EXOC4: variants seen among roughly 807,000 people sequenced by gnomAD.
EXOC4 encodes SEC8-like 1.
A neutral mutation model predicts 107.2 loss-of-function variants in EXOC4; 71 were observed. The observed-to-expected ratio is 0.66, with a 90% CI of 0.55 to 0.81. The LOEUF is 0.81. Among genes scored for constraint, EXOC4 ranks in the 30% least tolerant of loss-of-function variants. The pLI is 0.00. For synonymous variants in EXOC4, 456 were observed against 441.2 expected, an observed-to-expected ratio of 1.03 and a Z score of -0.42; for missense variants, 1,108 against 1,189.6, an observed-to-expected ratio of 0.93 and a Z score of 1.01.
chr7:133,801,022 G>A (rs1455342198), intron 10 of EXOC4, among the ~76,000 whole-genome samples: 1 of 152,098 alleles, frequency 6.6e-6, no homozygotes, highest in Non-Finnish European at 1.5e-5. Context: ...AACCATCTTT[G>A]GTCCGACCTT....
chr7:133,495,882 G>C (rs1443967092), intron 9 of EXOC4, among the ~76,000 whole-genome samples: 2 of 152,086 alleles, frequency 1.3e-5, no homozygotes, highest in African/African-American at 4.8e-5. Context: ...GAGATACAAG[G>C]ATTTTACCAT....
intron 7 of EXOC4, among the ~76,000 whole-genome samples, chr7:133,420,476 G>T (rs1797578990): frequency 6.6e-6 from 1 of 152,174 alleles, no homozygotes; most frequent in African/African-American, 2.4e-5. Flanking sequence ...AGTGGGGTTG[G>T]TGGGAGGGGT....
At chr7:133,855,343 T>C (rs899734534) in intron 11 of EXOC4, among the ~76,000 whole-genome samples, 4 of 151,288 alleles carry the variant, frequency 2.6e-5, no homozygotes, top group African/African-American at 9.7e-5. Flanking sequence ...ATTTCAACTG[T>C]ACCTCTATAT....
intron 7 of EXOC4, among the ~76,000 whole-genome samples, chr7:133,449,748 T>C (rs976380572): frequency 7.0e-5 from 8 of 115,016 alleles, no homozygotes; most frequent in African/African-American, 2.3e-4. Flanking sequence ...TGTGTGTGTG[T>C]ACATCTCTTT....
chr7:134,023,814 C>T (rs1444872742), intron 17 of EXOC4, among the ~76,000 whole-genome samples: 1 of 152,072 alleles, frequency 6.6e-6, no homozygotes, highest in Non-Finnish European at 1.5e-5. Flanking sequence ...TTTTATCTTC[C>T]CAGAGAGGAA....
intron 10 of EXOC4, among the ~76,000 whole-genome samples, chr7:133,715,556 G>A (rs568905422): frequency 6.6e-6 from 1 of 151,846 alleles, no homozygotes; most frequent in African/African-American, 2.4e-5. Flanking sequence ...AATATAAAAA[G>A]TTATAGTAAT....
At chr7:134,027,332 A>G (rs1585332647) in intron 17 of EXOC4, among the ~76,000 whole-genome samples, 1 of 152,112 alleles carries the variant, frequency 6.6e-6, no homozygotes, top group East Asian at 1.9e-4. Context: ...ACAGTGAAAG[A>G]AGGACTGAGA....
intron 7 of EXOC4, among the ~76,000 whole-genome samples, chr7:133,467,126 A>G (rs147976180): frequency 7.8e-4 from 119 of 152,250 alleles, no homozygotes; most frequent in African/African-American, 2.7e-3. Context: ...GCCATGTGCT[A>G]TGAAACCCAT....
intron 9 of EXOC4, among the ~76,000 whole-genome samples, chr7:133,505,603 T>TATATTATATGAA (rs1277878439): frequency 1.3e-5 from 2 of 152,124 alleles, no homozygotes; most frequent in Admixed American, 6.6e-5. Context: ...TTCTGTGAGG[T>TATATTATATGAA]CCAGCTAATT....
intron 14 of EXOC4, among the ~76,000 whole-genome samples, chr7:133,985,671 C>A (rs1206827959): frequency 1.3e-5 from 2 of 152,156 alleles, no homozygotes; most frequent in African/African-American, 2.4e-5. Flanking sequence ...TCTGTGTATG[C>A]CCCAAATTGC....
chr7:133,500,884 G>A (rs1480229093), intron 9 of EXOC4, among the ~76,000 whole-genome samples: 1 of 152,092 alleles, frequency 6.6e-6, no homozygotes, highest in African/African-American at 2.4e-5. Context: ...TGTGGATTCA[G>A]GCCTTGGAAG....
chr7:134,051,666 C>T (rs56757975), intron 17 of EXOC4, among the ~76,000 whole-genome samples: 1,778 of 99,502 alleles, frequency 0.018, 46 homozygotes, highest in African/African-American at 0.073. Context: ...AGCGAGACTC[C>T]GTCTCAAAAA....
intron 9 of EXOC4, among the ~76,000 whole-genome samples, chr7:133,493,289 T>G (rs995851919): frequency 2.2e-4 from 34 of 152,028 alleles, no homozygotes; most frequent in Admixed American, 6.6e-4. Flanking sequence ...ACTAAAAAAT[T>G]AGCTGGACAT....
intron 14 of EXOC4, among the ~76,000 whole-genome samples, chr7:133,950,280 C>A (rs887308475): frequency 6.6e-6 from 1 of 152,108 alleles, no homozygotes; most frequent in Admixed American, 6.5e-5. Flanking sequence ...ATCCTGACAC[C>A]CGAGGGATAC....
chr7:134,000,917 C>G (rs1031124416), intron 15 of EXOC4, among the ~76,000 whole-genome samples: 1 of 152,164 alleles, frequency 6.6e-6, no homozygotes, highest in Admixed American at 6.5e-5. Flanking sequence ...CCCCAAATAT[C>G]TTTATATCCA....
intron 6 of EXOC4, among the ~76,000 whole-genome samples, chr7:133,370,292 T>A (rs965451200): frequency 6.6e-6 from 1 of 151,964 alleles, no homozygotes; most frequent in South Asian, 2.1e-4. Context: ...GCTAGTTTTT[T>A]AATTTTAATT....
intron 14 of EXOC4, among the ~76,000 whole-genome samples, chr7:133,982,815 G>A (rs1794021993): frequency 6.6e-6 from 1 of 152,060 alleles, no homozygotes; most frequent in South Asian, 2.1e-4. Context: ...AGGTCAGTCC[G>A]CCTCCAAAGG....
chr7:133,350,278 T>G (rs541212793), intron 5 of EXOC4, among the ~76,000 whole-genome samples: 1 of 152,256 alleles, frequency 6.6e-6, no homozygotes, highest in East Asian at 1.9e-4. Context: ...TTGCCCTGTG[T>G]TTTCTTCTGA....
intron 15 of EXOC4, among the ~76,000 whole-genome samples, chr7:134,002,628 A>G (rs1487944020): frequency 2.6e-5 from 4 of 152,162 alleles, no homozygotes; most frequent in African/African-American, 9.7e-5. Context: ...ATAAGAAAAC[A>G]AAAAACCCAA....
Sources: allele counts gnomAD v4.1 joint callset (sites outside exome capture counted in the v4.1 genomes callset), GRCh38; gene constraint gnomAD v4.1.1; transcripts MANE v1.5; gene names NCBI Gene and HGNC (gene_info 2026-07-23, HGNC 2026-07-21).